The following RBFOX1 variants were observed in gnomAD, a reference collection of about 807,000 sequenced individuals.
RBFOX1 encodes RNA binding fox-1 homolog 1.
In RBFOX1, 8 loss-of-function variants were observed where a neutral mutation model predicts 57.7. That is an observed-to-expected ratio of 0.14 (90% CI 0.08 to 0.25). The LOEUF is 0.25. Among genes scored for constraint, RBFOX1 ranks in the 10% least tolerant of loss-of-function variants. RBFOX1 has a pLI of 1.00. For missense variants in RBFOX1, 611 were observed against 548.5 expected (o/e 1.11, Z -1.14); for synonymous variants, 326 against 222.4 (o/e 1.47, Z -4.15).
rs1012015247 is a variant in RBFOX1, at chr16:7,341,678, G to A, written c.28-176469G>A. ...ATGACAGAGTTCCTGCTACATTTCA[G>A]AGAACAATGGTCCTACCTTCCTTCC... On this transcript the variant is annotated intron_variant, in intron 4 of 15. Coordinates refer to ENST00000550418, the MANE Select transcript of RBFOX1 (RefSeq NM_018723.4). 2.6e-5 allele frequency among the ~76,000 whole-genome samples: 4 copies of A among 151,200 alleles called. No individual in the cohort carries two copies. In the South Asian group the frequency reaches 6.3e-4, roughly 24 times the overall value.
intron 1 of RBFOX1, among the ~76,000 whole-genome samples, chr16:6,034,386 G>C (rs1270576462): frequency 1.5e-5 from 2 of 132,708 alleles, no homozygotes; most frequent in Admixed American, 1.5e-4. Flanking sequence ...AGGAATAGAA[G>C]AGAAGTTGTT....
At chr16:6,184,788 T>C (rs1339185308) in intron 1 of RBFOX1, among the ~76,000 whole-genome samples, 4 of 152,012 alleles carry the variant, frequency 2.6e-5, no homozygotes, top group Admixed American at 2.6e-4. Flanking sequence ...AGGATGGCCT[T>C]GATCTCTTGA....
chr16:7,322,280 G>C (rs867560738), intron 4 of RBFOX1, among the ~76,000 whole-genome samples: 1 of 152,252 alleles, frequency 6.6e-6, no homozygotes, highest in Non-Finnish European at 1.5e-5. Flanking sequence ...GGGTGCCTTA[G>C]CACCTGCCCC....
chr16:6,280,454 T>A (rs1444271281), intron 1 of RBFOX1, among the ~76,000 whole-genome samples: 1 of 152,100 alleles, frequency 6.6e-6, no homozygotes, highest in Non-Finnish European at 1.5e-5. Context: ...TGGAGACAAG[T>A]TGGCAATGAA....
At chr16:7,469,134 C>G (rs1207514612) in intron 4 of RBFOX1, among the ~76,000 whole-genome samples, 1 of 152,086 alleles carries the variant, frequency 6.6e-6, no homozygotes, top group Non-Finnish European at 1.5e-5. Context: ...CGGGGTTTGA[C>G]CGTGTTAGCC....
At chr16:7,125,404 G>A (rs754241870) in intron 4 of RBFOX1, among the ~76,000 whole-genome samples, 1 of 152,168 alleles carries the variant, frequency 6.6e-6, no homozygotes, top group Non-Finnish European at 1.5e-5. Context: ...TGTCACTAGC[G>A]TCAACTCTTG....
intron 3 of RBFOX1, among the ~76,000 whole-genome samples, chr16:6,963,791 C>T (rs188325767): frequency 7.2e-5 from 11 of 151,766 alleles, no homozygotes; most frequent in Admixed American, 3.9e-4. Context: ...CTCCACCTCC[C>T]GGGTTCATGC....
intron 1 of RBFOX1, among the ~76,000 whole-genome samples, chr16:6,090,636 T>C (rs995949064): frequency 1.9e-4 from 29 of 152,252 alleles, no homozygotes; most frequent in African/African-American, 6.0e-4. Flanking sequence ...CGTTACCATA[T>C]TGATCTTTAC....
rs140531155 is a variant in RBFOX1, at chr16:6,837,325, G to T, written c.-16+182675G>T. Among the ~76,000 whole-genome samples, 366 of 152,288 alleles carry T rather than the reference G, an allele frequency of 2.4e-3. 1 individual carries two copies. The highest frequency in any genetic ancestry group is 8.3e-3 in the African/African-American group (347 of 41,558). ...CAGGCTGCTTCCATTTTGTAGATGTGCCACCTGGCTGACTCTGATAAGGAA... is the reference window on the plus strand; with the variant it reads ...CAGGCTGCTTCCATTTTGTAGATGTTCCACCTGGCTGACTCTGATAAGGAA... On this transcript the variant is annotated intron_variant, in intron 3 of 15. Coordinates refer to ENST00000550418, the MANE Select transcript of RBFOX1 (RefSeq NM_018723.4).
In RBFOX1 at chr16:7,684,463, A is replaced by C. The variant is rs148860182; in HGVS notation, c.995+7625A>C. Reference sequence around the variant, plus strand: ...TGATGTGTGACTGTTCAAATAGATTAACAGATTTCTGAAAGCTGAAACATA... The same window carrying C: ...TGATGTGTGACTGTTCAAATAGATTCACAGATTTCTGAAAGCTGAAACATA... On this transcript the variant is annotated intron_variant, in intron 14 of 15. Transcript: ENST00000550418. Among the ~76,000 whole-genome samples, 230 of 152,222 alleles carry C rather than the reference A, an allele frequency of 1.5e-3. 1 individual carries two copies. The highest frequency in any genetic ancestry group is 0.013 in the Admixed American group (204 of 15,270).
At chr16:7,571,716 A>T (rs574578129) in intron 5 of RBFOX1, among the ~76,000 whole-genome samples, 1 of 152,194 alleles carries the variant, frequency 6.6e-6, no homozygotes, top group South Asian at 2.1e-4. Flanking sequence ...AGCTCTGCCA[A>T]GTGCCGCCTG....
intron 4 of RBFOX1, among the ~76,000 whole-genome samples, chr16:6,011,436 G>C (rs910233739): frequency 1.3e-5 from 2 of 151,946 alleles, no homozygotes; most frequent in Non-Finnish European, 2.9e-5. Context: ...ATATCAGACT[G>C]TTAAAGATTT....
chr16:5,903,348 C>T (rs1027749749), intron 4 of RBFOX1, among the ~76,000 whole-genome samples: 1 of 152,194 alleles, frequency 6.6e-6, no homozygotes, highest in Non-Finnish European at 1.5e-5. Flanking sequence ...TCTGAGAAGT[C>T]ATGCGTGACT....
intron 3 of RBFOX1, among the ~76,000 whole-genome samples, chr16:5,776,166 C>G (rs201134840): frequency 6.6e-6 from 1 of 152,208 alleles, no homozygotes; most frequent in Non-Finnish European, 1.5e-5. Context: ...TTTATGGTTT[C>G]GTTTCACTGT....
chr16:5,726,062 C>G (rs564235663), intron 3 of RBFOX1, among the ~76,000 whole-genome samples: 1 of 152,022 alleles, frequency 6.6e-6, no homozygotes, highest in Non-Finnish European at 1.5e-5. Flanking sequence ...CTTCCTTTTT[C>G]TTTTCTCCAC....
intron 2 of RBFOX1, among the ~76,000 whole-genome samples, chr16:6,654,268 C>T (rs371979625): frequency 6.6e-6 from 1 of 152,178 alleles, no homozygotes; most frequent in African/African-American, 2.4e-5. Flanking sequence ...ATATTAAAGG[C>T]AGTCTCTGCT....
chr16:7,176,794 C>A (rs989641370), intron 4 of RBFOX1, among the ~76,000 whole-genome samples: 2 of 151,964 alleles, frequency 1.3e-5, no homozygotes, highest in East Asian at 1.9e-4. Context: ...ATGTACTTAC[C>A]TATACACATA....
intron 3 of RBFOX1, among the ~76,000 whole-genome samples, chr16:5,864,725 G>C (rs754404956): frequency 1.1e-4 from 17 of 152,232 alleles, no homozygotes; most frequent in Middle Eastern, 3.4e-3. Flanking sequence ...TCAGAAACTG[G>C]AAGTCCAACA....
intron 4 of RBFOX1, among the ~76,000 whole-genome samples, chr16:7,210,301 A>G (rs973855005): frequency 6.6e-6 from 1 of 152,172 alleles, no homozygotes; most frequent in Non-Finnish European, 1.5e-5. Flanking sequence ...CCAGGCCATC[A>G]GGAAGAGTAT....
Sources: allele counts gnomAD v4.1 joint callset (sites outside exome capture counted in the v4.1 genomes callset), GRCh38; gene constraint gnomAD v4.1.1; transcripts MANE v1.5; gene names NCBI Gene and HGNC (gene_info 2026-07-23, HGNC 2026-07-21).